Variants in SH3D19 observed in about 807,000 individuals in gnomAD.
SH3D19 encodes SH3 domain containing 19, also known as SH3 domain-containing protein 19.
A neutral mutation model predicts 112.1 loss-of-function variants in SH3D19; 58 were observed. The observed-to-expected ratio is 0.52, with a 90% CI of 0.42 to 0.64. The LOEUF (loss-of-function observed/expected upper bound fraction) is 0.64, where lower values mean the gene tolerates loss of function less well. SH3D19 is among the 30% of genes least tolerant of loss of function. The probability of loss-of-function intolerance (pLI) is 0.00; values close to 1 mark genes in which losing one functional copy is unlikely to be tolerated. For missense variants in SH3D19, 1,090 were observed against 1,263.4 expected (o/e 0.86, Z 2.08); for synonymous variants, 391 against 448.5 (o/e 0.87, Z 1.62).
At chr4:151,149,606 C>T in intron 9 of SH3D19, 45 bp from the exon 10 acceptor site, 1 of 1,560,990 alleles carries the variant, frequency 6.4e-7, no homozygotes. Context: ...TAATCTGAAA[C>T]AAGAACTTGT....
At chr4:151,240,933 T>C (rs982454803) in intron 1 of SH3D19, among the ~76,000 whole-genome samples, 1 of 151,854 alleles carries the variant, frequency 6.6e-6, no homozygotes, top group Admixed American at 6.6e-5. Flanking sequence ...AGCCATACAA[T>C]GGAATGTAAT....
intron 1 of SH3D19, among the ~76,000 whole-genome samples, chr4:151,300,911 T>C (rs1357244106): frequency 1.3e-5 from 2 of 152,192 alleles, no homozygotes; most frequent in South Asian, 2.1e-4. Context: ...AATCTGGTAA[T>C]TGACTGACTA....
chr4:151,227,837 A>G (rs1769242529), intron 1 of SH3D19: 2 of 985,342 alleles, frequency 2.0e-6, no homozygotes, highest in Admixed American at 6.1e-5. Context: ...TAGTTTACTT[A>G]GGCATGTAAT....
At chr4:151,140,540 T>A (rs776143641) in intron 12 of SH3D19, 14 of 152,220 alleles carry the variant, frequency 9.2e-5, no homozygotes, top group Admixed American at 3.3e-4. Flanking sequence ...GGCCAGAGGA[T>A]AAGGCAAAGC....
intron 1 of SH3D19, among the ~76,000 whole-genome samples, chr4:151,315,652 G>A (rs567687403): frequency 7.3e-4 from 111 of 152,098 alleles, no homozygotes; most frequent in Non-Finnish European, 1.4e-3. Context: ...AACAAACTAA[G>A]GGAGTATTAA....
At chr4:151,136,668 C>G (rs1751921094) in intron 14 of SH3D19, among the ~76,000 whole-genome samples, 1 of 152,130 alleles carries the variant, frequency 6.6e-6, no homozygotes, top group Non-Finnish European at 1.5e-5. Context: ...GTGGCAGATT[C>G]TGTGTGATTG....
intron 2 of SH3D19, among the ~76,000 whole-genome samples, chr4:151,211,270 CAAA>C (rs541426168): frequency 7.7e-5 from 8 of 103,820 alleles, no homozygotes; most frequent in Non-Finnish European, 8.4e-5. Flanking sequence ...AACTCCATCT[CAAA>C]AAAAAAAAAA....
At position 151,237,231 on chromosome 4, in the gene SH3D19, A is replaced by C. The variant is rs552098442; in HGVS notation, c.113-11145T>G. ...ACTCACCGCGAGGGTCTGTGGCTTC[A>C]TTCTTGAAGTCAGCAAGACCAAGAA... On this transcript the variant is annotated intron_variant, in intron 1 of 19. Transcript: ENST00000604030. Among the ~76,000 whole-genome samples the C allele has an allele frequency of 2.6e-5, 4 of 152,354 alleles. No individual in the cohort carries two copies. The East Asian group carries it at 7.7e-4, about 29-fold the overall frequency.
chr4:151,234,363 C>A (rs1769845215), intron 1 of SH3D19, among the ~76,000 whole-genome samples: 2 of 152,100 alleles, frequency 1.3e-5, no homozygotes, highest in Non-Finnish European at 2.9e-5. Context: ...GAAATCAAAG[C>A]CACCATCTGT....
intron 1 of SH3D19, among the ~76,000 whole-genome samples, chr4:151,231,395 A>T (rs757849449): frequency 3.3e-5 from 5 of 152,184 alleles, no homozygotes; most frequent in Non-Finnish European, 5.9e-5. Flanking sequence ...ATATACATAC[A>T]CTTGAAAAGA....
intron 1 of SH3D19, among the ~76,000 whole-genome samples, chr4:151,240,389 C>A (rs1324008691): frequency 6.6e-6 from 1 of 150,732 alleles, no homozygotes; most frequent in African/African-American, 2.5e-5. Flanking sequence ...CCAGCCTGAG[C>A]GACAAAGCAA....
intron 1 of SH3D19, among the ~76,000 whole-genome samples, chr4:151,254,987 C>T: frequency 6.7e-6 from 1 of 149,610 alleles, no homozygotes; most frequent in Non-Finnish European, 1.5e-5. Flanking sequence ...GGGCGGCTGG[C>T]TGGGCAGAGG....
intron 1 of SH3D19, among the ~76,000 whole-genome samples, chr4:151,293,231 G>A (rs968224804): frequency 2.6e-5 from 4 of 152,186 alleles, no homozygotes; most frequent in Admixed American, 6.5e-5. Flanking sequence ...AGCACTTTGG[G>A]AGGCCGAGGC....
At chr4:151,174,258 C>G (rs1759548471) in intron 7 of SH3D19, among the ~76,000 whole-genome samples, 1 of 152,194 alleles carries the variant, frequency 6.6e-6, no homozygotes, top group Non-Finnish European at 1.5e-5. Flanking sequence ...GCTTCCTCTG[C>G]ATCCTTCTAC....
intron 2 of SH3D19, among the ~76,000 whole-genome samples, chr4:151,220,722 G>A (rs943881537): frequency 3.9e-5 from 6 of 152,220 alleles, no homozygotes; most frequent in South Asian, 2.1e-4. Flanking sequence ...ATTTTTAAAC[G>A]AGTGTGTAGT....
intron 1 of SH3D19, chr4:151,283,186 T>C: frequency 6.2e-7 from 1 of 1,613,854 alleles, no homozygotes; most frequent in Non-Finnish European, 8.5e-7. Context: ...TGTGAACAGC[T>C]CTACAATCCC....
intron 2 of SH3D19, among the ~76,000 whole-genome samples, chr4:151,217,342 A>G (rs1354842117): frequency 1.3e-5 from 2 of 152,212 alleles, no homozygotes; most frequent in African/African-American, 2.4e-5. Flanking sequence ...AAAATCAACA[A>G]AAGGATACCA....
chr4:151,274,673 G>A (rs1020979400), intron 1 of SH3D19, among the ~76,000 whole-genome samples: 2 of 152,184 alleles, frequency 1.3e-5, no homozygotes, highest in African/African-American at 4.8e-5. Flanking sequence ...CTTCAGGGTT[G>A]TCCTATGGCA....
intron 1 of SH3D19, among the ~76,000 whole-genome samples, chr4:151,255,115 GGCGGGGGGCTGAC>G (rs1220664916): frequency 6.6e-6 from 1 of 150,878 alleles, no homozygotes; most frequent in Non-Finnish European, 1.5e-5. Context: ...CGGCTGGCCT[GGCGGGGGGCTGAC>G]CCCCCCCACC....
Sources: gnomAD v4.1 joint callset for allele counts (sites outside exome capture counted in the v4.1 genomes callset) on GRCh38, gnomAD v4.1.1 for gene constraint, MANE v1.5 for transcripts, NCBI Gene and HGNC (gene_info 2026-07-23, HGNC 2026-07-21) for gene names.